Variants in TRHDE observed in about 807,000 individuals in gnomAD.
The protein encoded by TRHDE is thyrotropin-releasing hormone-degrading ectoenzyme.
In TRHDE, 72 loss-of-function variants were observed where a neutral mutation model predicts 125.7. That is an observed-to-expected ratio of 0.57 (90% CI 0.47 to 0.70). The LOEUF is 0.70. TRHDE is among the 30% of genes least tolerant of loss of function. The probability of loss-of-function intolerance (pLI) is 0.00; values close to 1 mark genes in which losing one functional copy is unlikely to be tolerated. For synonymous variants in TRHDE, 509 were observed against 509.1 expected, an observed-to-expected ratio of 1.00 and a Z score of 0.00; for missense variants, 1,110 against 1,327.1, an observed-to-expected ratio of 0.84 and a Z score of 2.54.
intron 1 of TRHDE, among the ~76,000 whole-genome samples, chr12:72,096,134 T>TATACACACACACACACACACACACACAC (rs1555218842): frequency 1.3e-4 from 19 of 145,100 alleles, no homozygotes; most frequent in African/African-American, 4.9e-4. Flanking sequence ...CTTATGTGTA[T>TATACACACACACACACACACACACACAC]ACACACACAC....
intron 6 of TRHDE, among the ~76,000 whole-genome samples, chr12:72,506,021 G>A (rs942732561): frequency 2.1e-4 from 32 of 152,168 alleles, no homozygotes; most frequent in African/African-American, 6.3e-4. Context: ...CAACCCAGCC[G>A]GGCATGATGG....
At chr12:72,315,114 A>G (rs1868735314) in intron 2 of TRHDE, among the ~76,000 whole-genome samples, 1 of 152,196 alleles carries the variant, frequency 6.6e-6, no homozygotes, top group Admixed American at 6.5e-5. Flanking sequence ...TTTTAAAATA[A>G]TATTTTTTGT....
chr12:72,281,023 A>G (rs2139420078), intron 1 of TRHDE, among the ~76,000 whole-genome samples: 1 of 152,322 alleles, frequency 6.6e-6, no homozygotes, highest in East Asian at 1.9e-4. Context: ...ATGATCAAGT[A>G]CGCAGTACTT....
At chr12:72,639,756 C>G (rs1470118171) in intron 15 of TRHDE, among the ~76,000 whole-genome samples, 1 of 151,936 alleles carries the variant, frequency 6.6e-6, no homozygotes, top group Non-Finnish European at 1.5e-5. Flanking sequence ...TTGGAGTACC[C>G]GGCCGTGTGA....
At chr12:72,195,075 G>C (rs1327190224) in intron 2 of TRHDE, among the ~76,000 whole-genome samples, 5 of 152,082 alleles carry the variant, frequency 3.3e-5, no homozygotes, top group Admixed American at 3.3e-4. Context: ...GCAACAGGAA[G>C]GAGAAATGCC....
chr12:72,283,816 A>G (rs1296478247), intron 1 of TRHDE, among the ~76,000 whole-genome samples: 1 of 152,120 alleles, frequency 6.6e-6, no homozygotes, highest in East Asian at 1.9e-4. Flanking sequence ...CATTCTAATT[A>G]CAACCTCTCT....
At chr12:72,418,884 T>A (rs1473524921) in intron 3 of TRHDE, among the ~76,000 whole-genome samples, 1 of 152,246 alleles carries the variant, frequency 6.6e-6, no homozygotes, top group South Asian at 2.1e-4. Context: ...TGCATTTTGA[T>A]GCTAAAGAAG....
At chr12:72,158,837 A>G (rs149654894) in intron 2 of TRHDE, among the ~76,000 whole-genome samples, 8 of 152,282 alleles carry the variant, frequency 5.3e-5, no homozygotes, top group African/African-American at 1.9e-4. Flanking sequence ...GAGTCTATTT[A>G]CTTCTTTTTG....
chr12:72,544,112 T>G (rs1869292322), intron 7 of TRHDE, among the ~76,000 whole-genome samples: 1 of 151,462 alleles, frequency 6.6e-6, no homozygotes, highest in Non-Finnish European at 1.5e-5. Context: ...TAGATCTGTA[T>G]CCTTCAGTAC....
intron 15 of TRHDE, among the ~76,000 whole-genome samples, chr12:72,643,894 AG>A (rs1874171720): frequency 6.6e-6 from 1 of 152,196 alleles, no homozygotes; most frequent in South Asian, 2.1e-4. Context: ...AAAAAGTTAC[AG>A]GTAACATTTG....
chr12:72,420,499 T>C (rs1873908132), intron 3 of TRHDE, among the ~76,000 whole-genome samples: 1 of 151,924 alleles, frequency 6.6e-6, no homozygotes. Flanking sequence ...TCGTAAGATA[T>C]ATATGATATT....
chr12:72,551,082 A>C (rs1044856960), intron 7 of TRHDE, among the ~76,000 whole-genome samples: 5 of 152,120 alleles, frequency 3.3e-5, no homozygotes, highest in African/African-American at 1.2e-4. Context: ...GTTATAAAAT[A>C]AAAGTAACAA....
At chr12:72,443,192 CTGTGTG>C (rs58277850) in intron 3 of TRHDE, among the ~76,000 whole-genome samples, 7,993 of 144,488 alleles carry the variant, frequency 0.055, 336 homozygotes, top group Admixed American at 0.14. Flanking sequence ...TACTTCTTTC[CTGTGTG>C]TGTGTGTGTG....
intron 3 of TRHDE, among the ~76,000 whole-genome samples, chr12:72,389,993 C>T (rs973192014): frequency 1.3e-5 from 2 of 152,090 alleles, no homozygotes; most frequent in African/African-American, 2.4e-5. Context: ...GGAGAATCAA[C>T]AGGATTTGCT....
intron 3 of TRHDE, among the ~76,000 whole-genome samples, chr12:72,399,722 T>C (rs1267217283): frequency 6.6e-6 from 1 of 152,164 alleles, no homozygotes. Flanking sequence ...TCTGCATGTT[T>C]AGTTAAAAAT....
At chr12:72,500,849 C>CTTTT (rs11314911) in intron 6 of TRHDE, among the ~76,000 whole-genome samples, 5 of 109,358 alleles carry the variant, frequency 4.6e-5, no homozygotes, top group Admixed American at 2.0e-4. Flanking sequence ...CAACTTTGTT[C>CTTTT]TTTTTTTTTT....
intron 6 of TRHDE, among the ~76,000 whole-genome samples, chr12:72,537,439 G>C (rs1050766658): frequency 1.3e-5 from 2 of 151,986 alleles, no homozygotes; most frequent in Non-Finnish European, 2.9e-5. Flanking sequence ...TTTCATAAGT[G>C]GTAGTTTTTC....
chr12:72,404,112 C>A, intron 3 of TRHDE, among the ~76,000 whole-genome samples: 1 of 152,090 alleles, frequency 6.6e-6, no homozygotes, highest in East Asian at 1.9e-4. Context: ...TTTCAAGCTG[C>A]TGATAAAGAC....
chr12:72,431,931 A>G (rs796844577), intron 3 of TRHDE: 1 of 198,648 alleles, frequency 5.0e-6, no homozygotes, highest in South Asian at 1.0e-4. Context: ...CTGATAACAA[A>G]TTTCACGGAG....
Sources: gnomAD v4.1 joint callset for allele counts (sites outside exome capture counted in the v4.1 genomes callset) on GRCh38, gnomAD v4.1.1 for gene constraint, MANE v1.5 for transcripts, NCBI Gene and HGNC (gene_info 2026-07-23, HGNC 2026-07-21) for gene names.